Variants in ATAD2B observed in about 807,000 individuals in gnomAD.
ATAD2B encodes the protein ATPase family AAA domain-containing protein 2B.
ATAD2B carries 40 observed loss-of-function variants against 167.6 expected under a neutral mutation model. The observed-to-expected ratio is 0.24, with a 90% CI of 0.19 to 0.31. ATAD2B has a LOEUF of 0.31. ATAD2B is among the 10% of genes least tolerant of loss of function. The probability of loss-of-function intolerance (pLI) is 1.00; values close to 1 mark genes in which losing one functional copy is unlikely to be tolerated. For missense variants in ATAD2B, 1,242 were observed against 1,757.2 expected (o/e 0.71, Z 5.24); for synonymous variants, 579 against 596.5 (o/e 0.97, Z 0.43).
At chr2:23,805,448 T>A (rs963161743) in intron 18 of ATAD2B, among the ~76,000 whole-genome samples, 14 of 152,202 alleles carry the variant, frequency 9.2e-5, no homozygotes, top group African/African-American at 3.4e-4. Flanking sequence ...CCTTTGTATG[T>A]CAAGATACAC....
intron 13 of ATAD2B, among the ~76,000 whole-genome samples, chr2:23,845,772 G>T (rs1176546552): frequency 1.3e-5 from 2 of 150,490 alleles, no homozygotes; most frequent in Non-Finnish European, 3.0e-5. Context: ...TAGAGACTGG[G>T]TTTCACTATG....
chr2:23,921,172 C>T (rs1198898477), intron 1 of ATAD2B, among the ~76,000 whole-genome samples: 2 of 133,796 alleles, frequency 1.5e-5, no homozygotes, highest in African/African-American at 5.7e-5. Context: ...TACCACTATA[C>T]TCCAGCCTGA....
intron 13 of ATAD2B, among the ~76,000 whole-genome samples, chr2:23,835,924 G>A (rs1393239793): frequency 8.1e-5 from 12 of 148,390 alleles, no homozygotes; most frequent in East Asian, 3.9e-4. Context: ...TGACAAGAGC[G>A]AAACTCCATC....
chr2:23,822,165 T>C (rs1005973668), intron 16 of ATAD2B, among the ~76,000 whole-genome samples: 3 of 152,182 alleles, frequency 2.0e-5, no homozygotes, highest in Admixed American at 6.5e-5. Context: ...TATAGCAACA[T>C]AGGTAAGAGC....
intron 8 of ATAD2B, among the ~76,000 whole-genome samples, chr2:23,875,325 T>C (rs930758081): frequency 1.3e-5 from 2 of 151,524 alleles, no homozygotes; most frequent in Non-Finnish European, 2.9e-5. Context: ...CATGGTGAAA[T>C]TCTATCTCTA....
Position 23,926,902 on chromosome 2 carries a change from C to T in ATAD2B, c.-132G>A, listed in dbSNP as rs933117921. 93 of 1,125,950 alleles carry T rather than the reference C, an allele frequency of 8.3e-5. No individual in the cohort carries two copies. The highest frequency in any genetic ancestry group is 1.1e-4 in the Non-Finnish European group (90 of 824,920). 69.7% of individuals were successfully genotyped at this position (1,125,950 alleles called of 1,614,324 possible). On this transcript the variant is annotated 5_prime_UTR_variant, in exon 1 of 28. Transcript: ENST00000238789. The stretch of plus-strand genomic sequence containing the variant: ...ACGAGCCGGCCCGGAGCGTGCGGAG[C>T]GCAGACGAGCACAAGAGAGAGCCGG...
the ATAD2B span, among the ~76,000 whole-genome samples, chr2:23,701,620 G>A: frequency 1.3e-5 from 2 of 152,010 alleles, no homozygotes; most frequent in African/African-American, 4.8e-5. Flanking sequence ...GGCTGAGGTG[G>A]GAGAATTGTT....
chr2:23,786,155 T>C lies in ATAD2B; in HGVS notation c.2845A>G (p.Lys949Glu). ...SPPRQLSESEKSRMEDQEENT... is the reference protein window; with the variant it reads ...SPPRQLSESEESRMEDQEENT... ...TCCTCCTGGTCCTCCATTCGACTTT[T>C]TTCTGATTCTGATAATTGACGAGGT... The change falls in exon 21 of 28, where the codon AAA (lysine) becomes GAA (glutamate). Residue 949 changes from lysine (K) to glutamate (E), a missense_variant. Lys to Glu is a moderately conservative substitution (Grantham distance 56). Around this residue, in one of 9 missense-constraint regions of ATAD2B, gnomAD observed 204 missense variants for 324.0 expected, o/e 0.63. Transcript: ENST00000238789. 1 of 1,601,900 alleles carries C rather than the reference T, an allele frequency of 6.2e-7. No individual in the cohort carries two copies. The highest frequency in any genetic ancestry group is 1.1e-5 in the South Asian group (1 of 88,756).
At chr2:23,784,117 G>C (rs1445968686) in intron 21 of ATAD2B, among the ~76,000 whole-genome samples, 1 of 152,016 alleles carries the variant, frequency 6.6e-6, no homozygotes, top group East Asian at 1.9e-4. Flanking sequence ...ATATTAGCTG[G>C]ATTCCTGCTT....
intron 18 of ATAD2B, among the ~76,000 whole-genome samples, chr2:23,800,539 C>T (rs777220155): frequency 6.6e-6 from 1 of 152,168 alleles, no homozygotes; most frequent in African/African-American, 2.4e-5. Flanking sequence ...GAACTACATA[C>T]AATCATCACC....
intron 25 of ATAD2B, among the ~76,000 whole-genome samples, chr2:23,755,795 A>G (rs1675881234): frequency 6.6e-6 from 1 of 152,184 alleles, no homozygotes; most frequent in African/African-American, 2.4e-5. Flanking sequence ...GTATCATGAT[A>G]TATCAGAGAA....
intron 23 of ATAD2B, among the ~76,000 whole-genome samples, chr2:23,763,605 G>T (rs564601124): frequency 6.6e-6 from 1 of 151,764 alleles, no homozygotes; most frequent in East Asian, 1.9e-4. Flanking sequence ...GGTTTTTTTT[G>T]TTGAGACAAC....
At chr2:23,824,405 C>T (rs1350848070) in intron 15 of ATAD2B, among the ~76,000 whole-genome samples, 1 of 152,146 alleles carries the variant, frequency 6.6e-6, no homozygotes, top group East Asian at 1.9e-4. Flanking sequence ...TATTAACTTC[C>T]AAACACGTAT....
chr2:23,914,096 T>TA (rs1702683776), intron 1 of ATAD2B, among the ~76,000 whole-genome samples: 1 of 151,300 alleles, frequency 6.6e-6, no homozygotes, highest in East Asian at 1.9e-4. Flanking sequence ...CAAAAAATTT[T>TA]AAAAAACAAA....
rs1030464097 is a variant in ATAD2B, at chr2:23,850,349, T to C, written c.1568+7066A>G. Among the ~76,000 whole-genome samples, 7 of 152,136 alleles carry C rather than the reference T, an allele frequency of 4.6e-5. No homozygotes were observed. The East Asian group carries it at 5.8e-4, about 13-fold the overall frequency. On this transcript the variant is annotated intron_variant, in intron 13 of 27. Coordinates refer to ENST00000238789, the MANE Select transcript of ATAD2B (RefSeq NM_017552.4). ...TTATTTTGAACTGAATGACAGTGAA[T>C]ACATGTCAAAAACTGTGGGATGTAG...
intron 27 of ATAD2B, among the ~76,000 whole-genome samples, chr2:23,752,761 T>C (rs1675504704): frequency 6.6e-6 from 1 of 152,060 alleles, no homozygotes; most frequent in African/African-American, 2.4e-5. Flanking sequence ...AAAAGCAGAA[T>C]GCATTGTGTT....
chr2:23,824,337 A>G (rs1687919039), intron 15 of ATAD2B, among the ~76,000 whole-genome samples: 1 of 152,164 alleles, frequency 6.6e-6, no homozygotes, highest in African/African-American at 2.4e-5. Context: ...CAATATTCCT[A>G]ATCATTAGGT....
At chr2:23,897,166 C>T (rs1399842545) in intron 1 of ATAD2B, among the ~76,000 whole-genome samples, 1 of 152,112 alleles carries the variant, frequency 6.6e-6, no homozygotes. Flanking sequence ...TAGGATGACC[C>T]TCAATCTGGG....
At chr2:23,685,679 C>A in the ATAD2B span, among the ~76,000 whole-genome samples, 3 of 152,236 alleles carry the variant, frequency 2.0e-5, no homozygotes, top group East Asian at 5.8e-4. Context: ...CTTCCCATCT[C>A]ATGGACACCT....
Sources: gnomAD v4.1 joint callset for allele counts (sites outside exome capture counted in the v4.1 genomes callset) on GRCh38, gnomAD v4.1.1 for gene constraint, gnomAD v4.1.1 regional missense constraint, MANE v1.5 for transcripts, NCBI Gene and HGNC (gene_info 2026-07-23, HGNC 2026-07-21) for gene names.